SPATA33: variants seen among roughly 807,000 people sequenced by gnomAD.
SPATA33 encodes spermatogenesis associated 33.
SPATA33 carries 10 observed loss-of-function variants against 8.9 expected under a neutral mutation model. The observed-to-expected ratio is 1.12, with a 90% confidence interval of 0.69 to 1.90. The LOEUF is 1.90. SPATA33 is among the 40% of genes most tolerant of loss of function. The probability of loss-of-function intolerance (pLI) is 0.00; values close to 1 mark genes in which losing one functional copy is unlikely to be tolerated. For missense variants in SPATA33, 241 were observed against 178.3 expected (o/e 1.35, Z -2.00); for synonymous variants, 96 against 72.8 (o/e 1.32, Z -1.63).
chr16:89,667,259 ACT>A (rs1401546324), intron 2 of SPATA33, among the ~76,000 whole-genome samples: 3 of 151,942 alleles, frequency 2.0e-5, no homozygotes, highest in Admixed American at 6.6e-5. Context: ...AAAGGCTCAC[ACT>A]CTTGTCTTCT....
chr16:89,666,687 C>A (rs2060030525), intron 2 of SPATA33, among the ~76,000 whole-genome samples: 1 of 152,144 alleles, frequency 6.6e-6, no homozygotes, highest in South Asian at 2.1e-4. Context: ...GCCCCAAATG[C>A]CAGGCTGCAC....
intron 2 of SPATA33, 98 bp from the exon 3 acceptor site, chr16:89,669,188 A>G (rs2060064830): frequency 2.6e-6 from 3 of 1,144,842 alleles, no homozygotes; most frequent in South Asian, 2.6e-5. Context: ...CTAACCATAC[A>G]TCTTAATTCC....
intron 2 of SPATA33, 85 bp downstream of exon 2, chr16:89,658,506 C>T: frequency 1.3e-6 from 2 of 1,489,908 alleles, no homozygotes; most frequent in East Asian, 2.5e-5. Flanking sequence ...TAAGACCCTA[C>T]CGGATGGACA....
intron 2 of SPATA33, among the ~76,000 whole-genome samples, chr16:89,665,202 C>T (rs1387495028): frequency 6.6e-6 from 1 of 152,180 alleles, no homozygotes; most frequent in Admixed American, 6.5e-5. Flanking sequence ...GTCATGTTGC[C>T]CAGGCTGGTC....
chr16:89,668,548 G>C (rs1418191201), intron 2 of SPATA33, among the ~76,000 whole-genome samples: 1 of 152,114 alleles, frequency 6.6e-6, no homozygotes, highest in African/African-American at 2.4e-5. Flanking sequence ...CTGTGCCCTA[G>C]CTCGTAGCAG....
chr16:89,669,213 T>C (rs2151535760), intron 2 of SPATA33, 73 bp from the exon 3 acceptor site: 5 of 1,379,820 alleles, frequency 3.6e-6, no homozygotes, highest in African/African-American at 2.8e-5. Flanking sequence ...CTCTGACCAA[T>C]GGCAGGAGGT....
chr16:89,657,948 G>A lies in SPATA33; in HGVS notation c.37G>A (p.Gly13Ser). ...LSKSKEKPRK[G>S]EEQKKGSTYS... ...CAAAAGCAAAGAGAAACCCAGGAAA[G>A]GTAAAGGAGGCGCAGGCGCTGGGCT... The change falls in exon 1 of 3, where the codon GGT becomes AGT. Residue 13 changes from glycine (G) to serine (S), a missense_variant and splice_region_variant. Gly to Ser is a moderately conservative substitution (Grantham distance 56). Transcript: ENST00000579310. 5 of 1,515,382 alleles carry A rather than the reference G, an allele frequency of 3.3e-6. No homozygotes were observed. The highest frequency in any genetic ancestry group is 3.5e-6 in the Non-Finnish European group (4 of 1,139,084). 93.9% of individuals were successfully genotyped at this position (1,515,382 alleles called of 1,614,324 possible).
chr16:89,663,161 A>G (rs2059984967), intron 2 of SPATA33, among the ~76,000 whole-genome samples: 1 of 151,838 alleles, frequency 6.6e-6, no homozygotes, highest in South Asian at 2.1e-4. Flanking sequence ...GAAATGGAAC[A>G]CTTCTATTGG....
At position 89,658,250 on chromosome 16, in the gene SPATA33, G is replaced by A; in HGVS notation, c.40G>A (p.Glu14Lys). ...AACGGATGATCCATATATTTCAGGT[G>A]AGGAGCAAAAGAAGGGATCCACCTA... is the stretch of plus-strand genomic sequence containing the variant. ...SKSKEKPRKGEEQKKGSTYSV... is the reference protein window; with the variant it reads ...SKSKEKPRKGKEQKKGSTYSV... Residue 14 changes from glutamate to lysine, a missense_variant and splice_region_variant, in exon 2 of 3, where the codon GAG (glutamate) becomes AAG (lysine). Transcript: ENST00000579310. The A allele has an allele frequency of 1.9e-6, 3 of 1,614,152 alleles. No homozygotes were observed. The highest frequency in any genetic ancestry group is 2.5e-6 in the Non-Finnish European group (3 of 1,180,008).
At chr16:89,666,522 G>C (rs1268885119) in intron 2 of SPATA33, among the ~76,000 whole-genome samples, 2 of 152,178 alleles carry the variant, frequency 1.3e-5, no homozygotes, top group African/African-American at 2.4e-5. Context: ...AATTAGGTGG[G>C]TGTGGTGGTG....
At chr16:89,660,412 A>G in intron 2 of SPATA33, 3 of 1,199,896 alleles carry the variant, frequency 2.5e-6, no homozygotes, top group Non-Finnish European at 3.1e-6. Context: ...CGCCTGTTGG[A>G]AGGGCCCCAG....
intron 2 of SPATA33, among the ~76,000 whole-genome samples, 189 bp from the exon 3 acceptor site, chr16:89,669,097 C>A (rs2060063850): frequency 6.6e-6 from 1 of 152,198 alleles, no homozygotes; most frequent in South Asian, 2.1e-4. Flanking sequence ...CAGCAACCTT[C>A]ATGGCTGAGT....
In SPATA33 at chr16:89,664,680, C is replaced by G. The variant is rs1597805786; in HGVS notation, c.212-4606C>G. ...GAGGCTCTTTAGGGCCCGACCTGAT[C>G]AGGGAAGCCAGACAGTAAAAGTGTC... On this transcript the variant is annotated intron_variant, in intron 2 of 2. Coordinates refer to ENST00000579310, the MANE Select transcript of SPATA33 (RefSeq NM_001271907.2). Among the ~76,000 whole-genome samples, 7 of 152,098 alleles carry G rather than the reference C, an allele frequency of 4.6e-5. No homozygotes were observed. In the South Asian group the frequency reaches 1.5e-3, roughly 32 times the overall value.
At chr16:89,662,547 C>G (rs1292406185) in intron 2 of SPATA33, among the ~76,000 whole-genome samples, 1 of 151,832 alleles carries the variant, frequency 6.6e-6, no homozygotes, top group Non-Finnish European at 1.5e-5. Flanking sequence ...CCTCAGCCTC[C>G]CAAGTAGCTG....
chr16:89,669,197 C>G (rs950687004), intron 2 of SPATA33, 89 bp from the exon 3 acceptor site: 26 of 1,233,394 alleles, frequency 2.1e-5, no homozygotes, highest in Non-Finnish European at 3.1e-5. Context: ...CATCTTAATT[C>G]CTTTACTCTG....
rs1352805150 is a variant in SPATA33, at chr16:89,660,396, G to C, written c.211+1975G>C. The C allele has an allele frequency of 6.3e-6, 7 of 1,118,564 alleles. No homozygotes were observed. The South Asian group carries it at 3.2e-4, about 52-fold the overall frequency. The allele number at this position is 1,118,564 out of a possible 1,614,324, so 69.3% of individuals were successfully genotyped here. ...CTGCCAGTAACGGAAGTGGGGGAAGGAGGACCGCCTGTTGGAAGGGCCCCA... is the reference window on the plus strand; with the variant it reads ...CTGCCAGTAACGGAAGTGGGGGAAGCAGGACCGCCTGTTGGAAGGGCCCCA... On this transcript the variant is annotated intron_variant, in intron 2 of 2. Transcript: ENST00000579310.
In SPATA33 at chr16:89,670,258, CTG is replaced by C. The variant is rs1485743626; in HGVS notation, c.*762_*763del. On this transcript the variant is annotated 3_prime_UTR_variant, in exon 3 of 3. Transcript: ENST00000579310. ...CCAGGCCTGCCCACCCTGTGAGAAA[CTG>C]CACCCCCTTCTCCAGTGCTCTCGGG... The C allele has an allele frequency of 4.7e-5, 7 of 148,694 alleles. No individual in the cohort carries two copies. The highest frequency in any genetic ancestry group is 1.7e-4 in the African/African-American group (7 of 40,082). The allele number at this position is 148,694 out of a possible 1,614,324, so 9.2% of individuals were successfully genotyped here. A position where few individuals can be genotyped will look rare whatever the true frequency, so the allele number is the denominator to read the frequency against.
intron 2 of SPATA33, among the ~76,000 whole-genome samples, chr16:89,663,240 T>TC (rs2059986283): frequency 6.9e-6 from 1 of 144,160 alleles, no homozygotes; most frequent in African/African-American, 2.6e-5. Context: ...TGATTCCATT[T>TC]CTTTTTTTTT....
chr16:89,665,439 G>C (rs984882164), intron 2 of SPATA33, among the ~76,000 whole-genome samples: 2 of 151,832 alleles, frequency 1.3e-5, no homozygotes, highest in Non-Finnish European at 2.9e-5. Context: ...CGCATAGCTG[G>C]GACTACAGGT....
Sources: allele counts gnomAD v4.1 joint callset (sites outside exome capture counted in the v4.1 genomes callset), GRCh38; gene constraint gnomAD v4.1.1; transcripts MANE v1.5; gene names NCBI Gene and HGNC (gene_info 2026-07-23, HGNC 2026-07-21).